CA4: variants seen among roughly 807,000 people sequenced by gnomAD.
The protein encoded by CA4 is CA-IV.
Under a neutral mutation model 34.5 loss-of-function variants are expected in CA4, and 24 were observed. The observed-to-expected ratio is 0.70, with a 90% CI of 0.50 to 0.98. CA4 has a LOEUF of 0.98. CA4 is among the 50% of genes least tolerant of loss of function. The pLI, the probability that CA4 is intolerant of heterozygous loss-of-function variation, is 0.00. For synonymous variants in CA4, 178 were observed against 170.6 expected (o/e 1.04, Z -0.34); for missense variants, 394 against 396.7 (o/e 0.99, Z 0.06).
chr17:60,155,128 G>T (rs936248267), intron 1 of CA4, among the ~76,000 whole-genome samples, 186 bp from the exon 2 acceptor site: 5 of 152,154 alleles, frequency 3.3e-5, no homozygotes, highest in Non-Finnish European at 7.4e-5. Context: ...CTGACCTGTT[G>T]ATCAGCCCCT....
chr17:60,158,789 G>A, intron 7 of CA4: 1 of 431,072 alleles, frequency 2.3e-6, no homozygotes, highest in Non-Finnish European at 4.3e-6. Flanking sequence ...CTCAAAGTGC[G>A]GCCCCTGGAC....
At chr17:60,157,667 T>C (rs992169983) in intron 4 of CA4, 23 bp from the exon 5 acceptor site, 2 of 1,612,470 alleles carry the variant, frequency 1.2e-6, no homozygotes, top group African/African-American at 1.3e-5. Flanking sequence ...TAGGTCCCCT[T>C]TTCACCCCTC....
At chr17:60,153,849 G>A (rs1437170031) in intron 1 of CA4, among the ~76,000 whole-genome samples, 1 of 152,218 alleles carries the variant, frequency 6.6e-6, no homozygotes, top group Non-Finnish European at 1.5e-5. Flanking sequence ...GGCTGGGGAT[G>A]GGCCATCAGG....
chr17:60,153,204 G>T (rs1209234681), intron 1 of CA4, among the ~76,000 whole-genome samples: 1 of 152,080 alleles, frequency 6.6e-6, no homozygotes, highest in Non-Finnish European at 1.5e-5. Flanking sequence ...TGGGCATGGT[G>T]GTACATGCCT....
chr17:60,152,317 C>T (rs746736020), intron 1 of CA4, among the ~76,000 whole-genome samples: 131 of 151,878 alleles, frequency 8.6e-4, no homozygotes, highest in South Asian at 1.2e-3. Context: ...CCACCAGCAC[C>T]CCACCCTCAT....
In CA4 at chr17:60,157,438, C is replaced by G; in HGVS notation, c.280C>G (p.Leu94Val). The G allele has an allele frequency of 6.2e-7, 1 of 1,614,190 alleles. No homozygotes were observed. The highest frequency in any genetic ancestry group is 1.1e-5 in the South Asian group (1 of 91,084). The change falls in exon 4 of 8, where the codon CTG (leucine) becomes GTG (valine). Residue 94 changes from leucine (L) to valine (V), a missense_variant. Physicochemically the swap from Leu to Val is conservative, Grantham distance 32. Transcript: ENST00000300900. The part of the protein sequence containing the change: ...QNNGHSVMML[L>V]ENKASISGGG... ...TTCTGTGCTCCCAGTGATGATGTTG[C>G]TGGAGAACAAGGCCAGCATTTCTGG...
At chr17:60,173,898 C>A (rs1321727890), downstream of CA4, among the ~76,000 whole-genome samples, 2 of 152,160 alleles carry the variant, frequency 1.3e-5, no homozygotes, top group African/African-American at 4.8e-5. Context: ...CGATGAATTG[C>A]CAGGTTGGGA....
chr17:60,156,808 C>G (rs549082988), intron 3 of CA4, 93 bp downstream of exon 3: 18 of 1,188,498 alleles, frequency 1.5e-5, no homozygotes, highest in Non-Finnish European at 2.1e-5. Context: ...GTGCCAGACC[C>G]AGGCCCATCT....
chr17:60,158,992 G>T (rs1395707841), intron 7 of CA4: 2 of 578,468 alleles, frequency 3.5e-6, no homozygotes, highest in East Asian at 2.9e-5. Flanking sequence ...CAGGCATTGC[G>T]GGCCCCCTGG....
At chr17:60,172,929 A>C (rs2083924204), downstream of CA4, among the ~76,000 whole-genome samples, 1 of 152,110 alleles carries the variant, frequency 6.6e-6, no homozygotes, top group South Asian at 2.1e-4. Context: ...GGATCACCTG[A>C]GGCTGGGAGT....
chr17:60,158,155 G>C, intron 6 of CA4, 28 bp downstream of exon 6: 2 of 1,612,766 alleles, frequency 1.2e-6, no homozygotes, highest in Non-Finnish European at 1.7e-6. Context: ...AGAAGGGCTT[G>C]GGGTGAGGGG....
chr17:60,164,903 A>G (rs908097921), intron 5 of CA4, among the ~76,000 whole-genome samples: 1 of 152,132 alleles, frequency 6.6e-6, no homozygotes, highest in Non-Finnish European at 1.5e-5. Flanking sequence ...CCTGGGGTGG[A>G]ATCCCCCTCC....
downstream of CA4, among the ~76,000 whole-genome samples, chr17:60,175,336 A>G (rs1391241084): frequency 6.6e-6 from 1 of 151,726 alleles, no homozygotes; most frequent in Non-Finnish European, 1.5e-5. Context: ...TGGGAAGCTG[A>G]GGTGGGCAGA....
intron 5 of CA4, among the ~76,000 whole-genome samples, chr17:60,169,262 A>AAAAAAAAAAAAAAAGC (rs1555574044): frequency 1.3e-5 from 2 of 149,660 alleles, no homozygotes; most frequent in African/African-American, 5.1e-5. Context: ...AAAAAAAAAA[A>AAAAAAAAAAAAAAAGC]AGCAGCAGCA....
chr17:60,157,814 G>A (rs779420674), intron 5 of CA4, 26 bp downstream of exon 5: 22 of 1,592,220 alleles, frequency 1.4e-5, no homozygotes, highest in East Asian at 6.7e-5. Context: ...CCCACTTCCC[G>A]GGGAACCCGG....
downstream of CA4, among the ~76,000 whole-genome samples, chr17:60,175,036 C>A (rs998065153): frequency 5.3e-5 from 8 of 151,972 alleles, no homozygotes; most frequent in Non-Finnish European, 1.2e-4. Context: ...CCAGTCCTTC[C>A]GAGGCTTTTT....
At chr17:60,155,995 C>T (rs999639074) in intron 2 of CA4, among the ~76,000 whole-genome samples, 1 of 152,142 alleles carries the variant, frequency 6.6e-6, no homozygotes, top group African/African-American at 2.4e-5. Context: ...GCTGCCCGCT[C>T]CTGACCCTGG....
In CA4 at chr17:60,155,341, C is replaced by T; in HGVS notation, c.86C>T (p.Ala29Val). 2 of 1,611,318 alleles carry T rather than the reference C, an allele frequency of 1.2e-6. No homozygotes were observed. The highest frequency in any genetic ancestry group is 1.7e-6 in the Non-Finnish European group (2 of 1,178,830). Reference protein sequence around the residue: ...AESHWCYEVQAESSNYPCLVP... With the variant: ...AESHWCYEVQVESSNYPCLVP... The stretch of plus-strand genomic sequence containing the variant: ...TCACACTGGTGCTACGAGGTTCAAG[C>T]CGAGTCCTCCAACTACCCCTGCTTG... The change falls in exon 2 of 8, where the codon GCC (alanine) becomes GTC (valine). Residue 29 changes from alanine (A) to valine (V), a missense_variant. Transcript: ENST00000300900.
downstream of CA4, among the ~76,000 whole-genome samples, chr17:60,172,822 C>T (rs148861053): frequency 4.3e-3 from 649 of 150,346 alleles, 1 homozygote; most frequent in Non-Finnish European, 7.1e-3. Flanking sequence ...CCAGCCTGGG[C>T]GACAAGAGTG....
Sources: gnomAD v4.1 joint callset for allele counts (sites outside exome capture counted in the v4.1 genomes callset) on GRCh38, gnomAD v4.1.1 for gene constraint, MANE v1.5 for transcripts, NCBI Gene and HGNC (gene_info 2026-07-23, HGNC 2026-07-21) for gene names.